CD247: variants seen among roughly 807,000 people sequenced by gnomAD.
CD247 encodes the protein CD247 molecule, also known as T-cell surface glycoprotein CD3 zeta chain.
In CD247, 13 loss-of-function variants were observed where a neutral mutation model predicts 30.0. That is an observed-to-expected ratio of 0.43 (90% CI 0.28 to 0.69). The LOEUF (loss-of-function observed/expected upper bound fraction) is 0.69, where lower values mean the gene tolerates loss of function less well. CD247 is among the 30% of genes least tolerant of loss of function. CD247 has a pLI of 0.16. For synonymous variants in CD247, 72 were observed against 80.0 expected, an observed-to-expected ratio of 0.90 and a Z score of 0.53; for missense variants, 193 against 212.6, an observed-to-expected ratio of 0.91 and a Z score of 0.57.
At chr1:167,487,508 A>G (rs1654264157) in intron 1 of CD247, among the ~76,000 whole-genome samples, 1 of 152,232 alleles carries the variant, frequency 6.6e-6, no homozygotes, top group African/African-American at 2.4e-5. Flanking sequence ...GGCAAGTCCC[A>G]GGACCCACTG....
intron 1 of CD247, among the ~76,000 whole-genome samples, chr1:167,451,145 A>G (rs536033212): frequency 9.2e-4 from 140 of 151,980 alleles, no homozygotes; most frequent in African/African-American, 3.3e-3. Flanking sequence ...GGTAGCATGA[A>G]TGAGGGGAAG....
At position 167,438,821 on chromosome 1, in the gene CD247, T is replaced by A. The variant is rs536896540; in HGVS notation, c.220-171A>T. Among the ~76,000 whole-genome samples the A allele has an allele frequency of 3.9e-5, 6 of 152,040 alleles. No homozygotes were observed. The South Asian group carries it at 1.2e-3, about 32-fold the overall frequency. On this transcript the variant is annotated intron_variant, in intron 3 of 7. Coordinates refer to ENST00000362089, the MANE Select transcript of CD247 (RefSeq NM_198053.3). ...CTGGAGACCATCATCCCAGAGGACA[T>A]CTCAGAGAACACGCCTTAACATGAC...
chr1:167,500,963 G>A (rs566410927), intron 1 of CD247, among the ~76,000 whole-genome samples: 2 of 152,052 alleles, frequency 1.3e-5, no homozygotes, highest in African/African-American at 4.8e-5. Flanking sequence ...GAGGCTTACA[G>A]ACTCATTTTC....
intron 5 of CD247, chr1:167,434,810 CT>C (rs145684707): frequency 0.017 from 7,954 of 456,838 alleles, 122 homozygotes; most frequent in South Asian, 0.034. Flanking sequence ...GCAGGTGCTG[CT>C]GCAGGCCGCA....
chr1:167,440,855 C>T (rs1161111185), intron 1 of CD247, 88 bp from the exon 2 acceptor site: 1 of 784,640 alleles, frequency 1.3e-6, no homozygotes, highest in African/African-American at 1.7e-5. Context: ...GACTGACTGA[C>T]CAAATAAATC....
intron 1 of CD247, among the ~76,000 whole-genome samples, chr1:167,464,634 C>G (rs1352532721): frequency 1.3e-5 from 2 of 152,178 alleles, no homozygotes; most frequent in Non-Finnish European, 2.9e-5. Flanking sequence ...TCAGCCCCCA[C>G]TCCTATTCTA....
chr1:167,492,045 T>G (rs907397279), intron 1 of CD247, among the ~76,000 whole-genome samples: 9 of 152,148 alleles, frequency 5.9e-5, no homozygotes, highest in Non-Finnish European at 8.8e-5. Flanking sequence ...TAGAGACGGA[T>G]GGTGGTGATG....
chr1:167,448,034 C>A (rs1057109212), intron 1 of CD247, among the ~76,000 whole-genome samples: 10 of 152,152 alleles, frequency 6.6e-5, no homozygotes, highest in African/African-American at 2.4e-4. Flanking sequence ...TTGACCACAG[C>A]ATCCAGGCAC....
chr1:167,509,775 C>G (rs1430439503), intron 1 of CD247, among the ~76,000 whole-genome samples: 5 of 152,088 alleles, frequency 3.3e-5, no homozygotes, highest in African/African-American at 1.2e-4. Context: ...TGGGAGATCC[C>G]CATACATCTG....
At chr1:167,434,769 G>A (rs1052917092) in intron 5 of CD247, 12 of 454,790 alleles carry the variant, frequency 2.6e-5, no homozygotes, top group South Asian at 7.8e-5. Flanking sequence ...GAGATTACTC[G>A]GCACTTTTCA....
chr1:167,434,266 C>A, intron 5 of CD247, 190 bp from the exon 6 acceptor site: 1 of 651,144 alleles, frequency 1.5e-6, no homozygotes. Context: ...CCACCCCCCT[C>A]ATCCTCAGCC....
intron 1 of CD247, among the ~76,000 whole-genome samples, chr1:167,504,063 C>T (rs1161237924): frequency 6.6e-6 from 1 of 152,172 alleles, no homozygotes; most frequent in African/African-American, 2.4e-5. Flanking sequence ...CCTCTGGGCT[C>T]CCGGGGTGCT....
At chr1:167,434,742 G>A in intron 5 of CD247, 1 of 453,490 alleles carries the variant, frequency 2.2e-6, no homozygotes, top group Non-Finnish European at 4.4e-6. Context: ...CCAGCAGCAG[G>A]GTTTGGGGAG....
At chr1:167,518,294 G>T in intron 1 of CD247, 114 bp downstream of exon 1, 1 of 947,238 alleles carries the variant, frequency 1.1e-6, no homozygotes, top group Non-Finnish European at 1.7e-6. Context: ...TTTGAGGAGG[G>T]CAGGATTTGA....
At chr1:167,471,045 A>T (rs1186395921) in intron 1 of CD247, among the ~76,000 whole-genome samples, 2 of 151,486 alleles carry the variant, frequency 1.3e-5, no homozygotes, top group Admixed American at 1.3e-4. Context: ...CTAATTTTTT[A>T]TATTTTTAGT....
intron 1 of CD247, among the ~76,000 whole-genome samples, chr1:167,476,143 A>T (rs1441663256): frequency 6.6e-6 from 1 of 152,210 alleles, no homozygotes; most frequent in Non-Finnish European, 1.5e-5. Flanking sequence ...CCTTCAGAAG[A>T]AAAGCAGTTG....
chr1:167,481,527 T>C (rs1406087621), intron 1 of CD247, among the ~76,000 whole-genome samples: 2 of 152,208 alleles, frequency 1.3e-5, no homozygotes, highest in Admixed American at 6.5e-5. Flanking sequence ...GTGCCGTCTA[T>C]AATGTGGGTG....
At position 167,439,334 on chromosome 1, in the gene CD247, G is replaced by A. The variant is rs746160941; in HGVS notation, c.219+10C>T. 5.0e-6 allele frequency: 8 copies of A among 1,613,376 alleles called. No individual in the cohort carries two copies. In the Admixed American group the frequency reaches 1.2e-4, roughly 24 times the overall value. On this transcript the variant is annotated intron_variant, in intron 3 of 7. Coordinates refer to ENST00000362089, the MANE Select transcript of CD247 (RefSeq NM_198053.3). Reference sequence around the variant, plus strand: ...TCCTTTCCGGAGGGTCTACGGCGAGGCTGACTTACGTTATAGAGCTGGTTC... The same window carrying A: ...TCCTTTCCGGAGGGTCTACGGCGAGACTGACTTACGTTATAGAGCTGGTTC...
intron 1 of CD247, among the ~76,000 whole-genome samples, chr1:167,453,004 T>C (rs1022631177): frequency 3.0e-5 from 2 of 67,182 alleles, no homozygotes; most frequent in African/African-American, 7.9e-5. Flanking sequence ...TGTATGTGTG[T>C]GTGTGCATAT....
Sources: gnomAD v4.1 joint callset for allele counts (sites outside exome capture counted in the v4.1 genomes callset) on GRCh38, gnomAD v4.1.1 for gene constraint, MANE v1.5 for transcripts, NCBI Gene and HGNC (gene_info 2026-07-23, HGNC 2026-07-21) for gene names.